PPP1R3A: variants seen among roughly 807,000 people sequenced by gnomAD.
The protein encoded by PPP1R3A is RG1.
A neutral mutation model predicts 41.7 loss-of-function variants in PPP1R3A; 29 were observed. The ratio of observed to expected loss-of-function variants is 0.70; its 90% CI spans 0.52 to 0.95. The LOEUF (loss-of-function observed/expected upper bound fraction) is 0.95. Among genes scored for constraint, PPP1R3A ranks in the 40% least tolerant of loss-of-function variants. The probability of loss-of-function intolerance (pLI) is 0.00; values close to 1 mark genes in which losing one functional copy is unlikely to be tolerated. For synonymous variants in PPP1R3A, 485 were observed against 453.4 expected (o/e 1.07, Z -0.89); for missense variants, 1,352 against 1,292.4 (o/e 1.05, Z -0.71).
At chr7:113,887,339 C>G (rs746212773) in intron 1 of PPP1R3A, among the ~76,000 whole-genome samples, 1 of 151,624 alleles carries the variant, frequency 6.6e-6, no homozygotes, top group Non-Finnish European at 1.5e-5. Context: ...ATAATATAGT[C>G]ATCTATATTA....
intron 1 of PPP1R3A, among the ~76,000 whole-genome samples, chr7:113,901,115 T>A (rs1797053852): frequency 6.6e-6 from 1 of 151,404 alleles, no homozygotes; most frequent in Non-Finnish European, 1.5e-5. Context: ...GTGAAAGGGA[T>A]CCCCAAAGAA....
rs1476045865 is a variant in PPP1R3A, at chr7:113,918,449, C to T, written c.548G>A (p.Gly183Asp). 6.2e-7 allele frequency: 1 copy of T among 1,613,278 alleles called. No homozygotes were observed. The highest frequency in any genetic ancestry group is 2.2e-5 in the East Asian group (1 of 44,822). The stretch of plus-strand genomic sequence containing the variant: ...CTTAAAGGAGAACTGGTCAGTTTCA[C>T]CATCACATGAATTAGGAACATATTC... ...LAEYVPNSCD[G>D]ETDQFSFKIV... is the part of the protein sequence containing the mutation. The change falls in exon 1 of 4, where the codon GGT becomes GAT. Residue 183 changes from glycine to aspartate, a missense_variant. Transcript: ENST00000284601.
At chr7:113,904,948 C>T (rs1221901518) in intron 1 of PPP1R3A, among the ~76,000 whole-genome samples, 1 of 151,616 alleles carries the variant, frequency 6.6e-6, no homozygotes, top group Non-Finnish European at 1.5e-5. Context: ...TACCTTTTAG[C>T]TACTTTCACT....
intron 1 of PPP1R3A, among the ~76,000 whole-genome samples, chr7:113,884,409 A>G (rs1796745837): frequency 6.6e-6 from 1 of 152,086 alleles, no homozygotes; most frequent in Non-Finnish European, 1.5e-5. Flanking sequence ...ATTGGTACAG[A>G]GTCAGGCAAA....
At chr7:113,881,431 C>A (rs1235026049) in intron 3 of PPP1R3A, among the ~76,000 whole-genome samples, 1 of 151,930 alleles carries the variant, frequency 6.6e-6, no homozygotes, top group African/African-American at 2.4e-5. Flanking sequence ...ACCATCCCCC[C>A]AAAAAATTCC....
At chr7:113,885,031 C>G (rs7782700) in intron 1 of PPP1R3A, among the ~76,000 whole-genome samples, 150,628 of 152,276 alleles carry the variant, frequency 0.99, 74,523 homozygotes, top group East Asian at 1. Context: ...AATACCAAGA[C>G]CTGAAGATGG....
chr7:113,892,046 G>A (rs192340163), intron 1 of PPP1R3A, among the ~76,000 whole-genome samples: 1 of 152,138 alleles, frequency 6.6e-6, no homozygotes, highest in East Asian at 1.9e-4. Flanking sequence ...CAGCCTGAAA[G>A]TGCTCAGAAT....
Sources: allele counts gnomAD v4.1 joint callset (sites outside exome capture counted in the v4.1 genomes callset), GRCh38; gene constraint gnomAD v4.1.1; transcripts MANE v1.5; gene names NCBI Gene and HGNC (gene_info 2026-07-23, HGNC 2026-07-21).